Variants in RALYL observed in about 807,000 individuals in gnomAD.
RALYL encodes the protein RNA-binding Raly-like protein.
In RALYL, 29 loss-of-function variants were observed where a neutral mutation model predicts 35.1. The observed-to-expected ratio is 0.83, with a 90% CI of 0.61 to 1.13. The LOEUF (loss-of-function observed/expected upper bound fraction) is 1.13. RALYL is among the 50% of genes most tolerant of loss of function. RALYL has a pLI of 0.00. For missense variants in RALYL, 359 were observed against 360.4 expected (o/e 1.00, Z 0.03); for synonymous variants, 120 against 127.6 (o/e 0.94, Z 0.40).
At chr8:84,398,506 A>G (rs915127484) in intron 1 of RALYL, among the ~76,000 whole-genome samples, 1 of 152,006 alleles carries the variant, frequency 6.6e-6, no homozygotes, top group African/African-American at 2.4e-5. Flanking sequence ...TCAACGTAAG[A>G]CCCTTTCTTC....
At chr8:84,503,770 A>T (rs2056920174) in intron 1 of RALYL, among the ~76,000 whole-genome samples, 1 of 150,330 alleles carries the variant, frequency 6.7e-6, no homozygotes, top group African/African-American at 2.4e-5. Flanking sequence ...AATCGGCTTG[A>T]TGATCTCCTG....
At chr8:84,189,674 G>GTTT (rs200191174) in intron 1 of RALYL, among the ~76,000 whole-genome samples, 1 of 139,046 alleles carries the variant, frequency 7.2e-6, no homozygotes, top group Non-Finnish European at 1.6e-5. Context: ...GACGACTCAT[G>GTTT]TTTTTTTTTT....
At chr8:84,215,900 A>AT (rs1820694515) in intron 1 of RALYL, among the ~76,000 whole-genome samples, 1 of 152,190 alleles carries the variant, frequency 6.6e-6, no homozygotes, top group Admixed American at 6.5e-5. Context: ...ATAAAATAAA[A>AT]TGTGTGTCTC....
At chr8:84,738,443 G>A (rs1847712963) in intron 2 of RALYL, among the ~76,000 whole-genome samples, 1 of 152,100 alleles carries the variant, frequency 6.6e-6, no homozygotes, top group Non-Finnish European at 1.5e-5. Flanking sequence ...GAATGCTAGT[G>A]GAGAATGGGT....
chr8:84,497,686 G>C (rs1438542024), intron 1 of RALYL, among the ~76,000 whole-genome samples: 2 of 134,034 alleles, frequency 1.5e-5, no homozygotes, highest in African/African-American at 2.9e-5. Context: ...CTATCACCCA[G>C]GCTGGAGTGC....
chr8:84,383,100 C>T (rs1219927586), intron 1 of RALYL, among the ~76,000 whole-genome samples: 1 of 151,660 alleles, frequency 6.6e-6, no homozygotes, highest in Non-Finnish European at 1.5e-5. Context: ...TATAGTTATT[C>T]ACTAAAACGA....
chr8:84,446,782 C>T (rs2048903468), intron 1 of RALYL, among the ~76,000 whole-genome samples: 2 of 152,036 alleles, frequency 1.3e-5, no homozygotes, highest in South Asian at 4.2e-4. Flanking sequence ...TGAGGGGGTG[C>T]CATGCAGGGG....
At position 84,696,792 on chromosome 8, in the gene RALYL, C is replaced by A. The variant is rs1043807745; in HGVS notation, c.257-77787C>A. Among the ~76,000 whole-genome samples, 6 of 151,824 alleles carry A rather than the reference C, an allele frequency of 4.0e-5. No individual in the cohort carries two copies. In the East Asian group the frequency reaches 1.2e-3, roughly 29 times the overall value. ...GAATTTCATTTACATATTTACTGTT[C>A]ACATACTGCTGTGCTGGTAATGGCA... On this transcript the variant is annotated intron_variant, in intron 2 of 8. Coordinates refer to ENST00000521268, the MANE Select transcript of RALYL (RefSeq NM_173848.7).
At chr8:84,756,790 T>A (rs2133304068) in intron 2 of RALYL, among the ~76,000 whole-genome samples, 1 of 152,062 alleles carries the variant, frequency 6.6e-6, no homozygotes, top group South Asian at 2.1e-4. Flanking sequence ...TTTTTTTTTT[T>A]ATTAGCAGAA....
chr8:84,775,759 A>T (rs1279138122), intron 3 of RALYL, among the ~76,000 whole-genome samples: 2 of 152,224 alleles, frequency 1.3e-5, no homozygotes, highest in Non-Finnish European at 2.9e-5. Context: ...ATTTTGGGGA[A>T]GAGTACAAGA....
chr8:84,749,548 G>A (rs1003180723), intron 2 of RALYL, among the ~76,000 whole-genome samples: 9 of 152,040 alleles, frequency 5.9e-5, no homozygotes, highest in Admixed American at 2.0e-4. Flanking sequence ...AGGGTTCCTC[G>A]CCAAGAAGTC....
At chr8:84,614,952 C>T (rs556471227) in intron 2 of RALYL, among the ~76,000 whole-genome samples, 1 of 151,604 alleles carries the variant, frequency 6.6e-6, no homozygotes, top group South Asian at 2.1e-4. Context: ...CTTCCTGAAA[C>T]CTGCCCTTGA....
chr8:84,397,301 T>C (rs986931515), intron 1 of RALYL, among the ~76,000 whole-genome samples: 5 of 152,190 alleles, frequency 3.3e-5, no homozygotes, highest in Admixed American at 6.5e-5. Context: ...CTGTAGAAAA[T>C]AATTTTGTGG....
At chr8:84,885,759 C>T (rs1842839873) in intron 7 of RALYL, among the ~76,000 whole-genome samples, 1 of 152,142 alleles carries the variant, frequency 6.6e-6, no homozygotes, top group South Asian at 2.1e-4. Context: ...CTCTGAAACA[C>T]AGCCTCAGCC....
chr8:84,400,251 G>T (rs1314523600), intron 1 of RALYL, among the ~76,000 whole-genome samples: 4 of 152,136 alleles, frequency 2.6e-5, no homozygotes, highest in African/African-American at 9.7e-5. Context: ...TCGTATACAC[G>T]TTATACACAG....
chr8:84,386,579 C>A (rs1859247660), intron 1 of RALYL, among the ~76,000 whole-genome samples: 1 of 151,706 alleles, frequency 6.6e-6, no homozygotes, highest in South Asian at 2.1e-4. Flanking sequence ...CACTGAAGGG[C>A]ATTACAGATG....
At chr8:84,723,413 T>C (rs1844363258) in intron 2 of RALYL, among the ~76,000 whole-genome samples, 1 of 152,112 alleles carries the variant, frequency 6.6e-6, no homozygotes, top group Middle Eastern at 3.4e-3. Context: ...ATCATAGTGG[T>C]TTTCATAAAC....
chr8:84,864,699 G>A, intron 6 of RALYL: 1 of 526,356 alleles, frequency 1.9e-6, no homozygotes, highest in South Asian at 1.9e-5. Flanking sequence ...ATAGGCTATA[G>A]GTGCAACCCC....
chr8:84,690,284 A>G (rs1195791215), intron 2 of RALYL, among the ~76,000 whole-genome samples: 1 of 152,194 alleles, frequency 6.6e-6, no homozygotes, highest in Non-Finnish European at 1.5e-5. Context: ...AGGCACAGAA[A>G]GACAAATACT....
Sources: allele counts gnomAD v4.1 joint callset (sites outside exome capture counted in the v4.1 genomes callset), GRCh38; gene constraint gnomAD v4.1.1; transcripts MANE v1.5; gene names NCBI Gene and HGNC (gene_info 2026-07-23, HGNC 2026-07-21).